CCDC39: variants seen among roughly 807,000 people sequenced by gnomAD.
CCDC39 encodes the protein coiled-coil domain-containing protein 39.
A neutral mutation model predicts 121.0 loss-of-function variants in CCDC39; 113 were observed. The ratio of observed to expected loss-of-function variants is 0.93; its 90% confidence interval spans 0.80 to 1.09. The LOEUF (loss-of-function observed/expected upper bound fraction) is 1.09, where lower values mean the gene tolerates loss of function less well. Ranked by LOEUF, CCDC39 falls within the 50% of genes least tolerant of loss-of-function variation. The pLI, the probability that CCDC39 is intolerant of heterozygous loss-of-function variation, is 0.00. For missense variants in CCDC39, 1,063 were observed against 1,074.7 expected (o/e 0.99, Z 0.15); for synonymous variants, 349 against 352.2 (o/e 0.99, Z 0.10).
chr3:180,614,357 C>G lies in CCDC39; in HGVS notation c.*564G>C, dbSNP rs1456179716. On this transcript the variant is annotated 3_prime_UTR_variant, in exon 20 of 20. Coordinates refer to ENST00000476379, the MANE Select transcript of CCDC39 (RefSeq NM_181426.2). ...ATTTTAAAATTGATATACAGTGTTT[C>G]TCTTACCGGTTTTTTTTTGGGGGGG... 4 of 90,340 alleles carry G rather than the reference C, an allele frequency of 4.4e-5. No homozygotes were observed. The highest frequency in any genetic ancestry group is 1.9e-4 in the Admixed American group (1 of 5,386). The allele number at this position is 90,340 out of a possible 1,614,324, so 5.6% of individuals were successfully genotyped here.
In CCDC39 at chr3:180,651,474, TCA is replaced by T. The variant is rs1718207127; in HGVS notation, c.1092_1093del (p.Lys366AsnfsTer10). 6.5e-7 allele frequency: 1 copy of T among 1,548,422 alleles called. No individual in the cohort carries two copies. Among genetic ancestry groups the T allele is most frequent in the Non-Finnish European group, 8.7e-7 (1 of 1,144,122 alleles). On this transcript the variant is annotated frameshift_variant, in exon 9 of 20. Transcript: ENST00000476379. LOFTEE classifies it high-confidence loss of function. Reference sequence around the variant, plus strand: ...TTTCTCTTCTACAGACATGGTTTTCTCAGTTATCTCCTTTAATTTTGTTTGTA... The same window carrying T: ...TTTCTCTTCTACAGACATGGTTTTCTGTTATCTCCTTTAATTTTGTTTGTA...
rs185557620 is a variant in CCDC39 at position 180,676,954 on chromosome 3, C to T, written c.90+2337G>A. 6.0e-3 allele frequency among the ~76,000 whole-genome samples: 903 copies of T among 150,878 alleles called. 6 individuals carry two copies. Among genetic ancestry groups the T allele is most frequent in the African/African-American group, 0.021 (866 of 41,042 alleles). On this transcript the variant is annotated intron_variant, in intron 1 of 19. Coordinates refer to ENST00000476379, the MANE Select transcript of CCDC39 (RefSeq NM_181426.2). ...AGGTGGGAATTGAACAATGCGAACACTTGGATACAGGAAGGGGAACATCAC... is the reference window on the plus strand; with the variant it reads ...AGGTGGGAATTGAACAATGCGAACATTTGGATACAGGAAGGGGAACATCAC...
chr3:180,679,201 G>T lies in CCDC39; in HGVS notation c.90+90C>A. ...GGAAGCACAGGATTAGGAAAGGAGA[G>T]AAATAAAAGGGCTGGGGTAGTACTG... is the stretch of plus-strand genomic sequence containing the variant. On this transcript the variant is annotated intron_variant, in intron 1 of 19. Transcript: ENST00000476379. This position sits in a 1 kb window ranked among gnomAD's most constrained non-coding sequence, Gnocchi z 4.0. The T allele has an allele frequency of 1.1e-6, 1 of 943,026 alleles. No individual in the cohort carries two copies. The highest frequency in any genetic ancestry group is 1.8e-6 in the Non-Finnish European group (1 of 568,092). 58.4% of individuals were successfully genotyped at this position (943,026 alleles called of 1,614,324 possible). A position where few individuals can be genotyped will look rare whatever the true frequency, so the allele number is the denominator to read the frequency against.
At chr3:180,660,799 A>T (rs536191687) in intron 3 of CCDC39, 71 bp from the exon 4 acceptor site, 1 of 1,340,310 alleles carries the variant, frequency 7.5e-7, no homozygotes, top group East Asian at 2.5e-5. Flanking sequence ...AAAATAAAAC[A>T]TACCTTTATA....
At chr3:180,620,293 G>A (rs180849824) in intron 14 of CCDC39, among the ~76,000 whole-genome samples, 4 of 151,862 alleles carry the variant, frequency 2.6e-5, no homozygotes, top group Middle Eastern at 3.4e-3. Flanking sequence ...AGAAAGGGAG[G>A]GAGGTTTGAT....
At chr3:180,624,048 C>G (rs1717495409) in intron 14 of CCDC39, among the ~76,000 whole-genome samples, 1 of 151,988 alleles carries the variant, frequency 6.6e-6, no homozygotes, top group East Asian at 1.9e-4. Context: ...CCATTATTGT[C>G]TTGCTCTTTC....
chr3:180,614,704 A>G lies in CCDC39; in HGVS notation c.*217T>C, dbSNP rs186005312. 174 of 441,060 alleles carry G rather than the reference A, an allele frequency of 3.9e-4. 3 individuals are homozygous for G. In the Admixed American group the frequency reaches 7.2e-3, roughly 18 times the overall value. 27.3% of individuals were successfully genotyped at this position (441,060 alleles called of 1,614,324 possible). ...TACAGCATTTTTCCTATGCTTGTATAACATGTAGCCTTGTCAAGAATCTGC... is the reference window on the plus strand; with the variant it reads ...TACAGCATTTTTCCTATGCTTGTATGACATGTAGCCTTGTCAAGAATCTGC... On this transcript the variant is annotated 3_prime_UTR_variant, in exon 20 of 20. Transcript: ENST00000476379.
Position 180,617,508 on chromosome 3 carries a change from C to G in CCDC39, c.2266-542G>C, listed in dbSNP as rs778971546. ...TCATGTTACTGACCCTGAAGACCTT[C>G]AAGTGGGACAAGATATGGAGGTGGA... On this transcript the variant is annotated intron_variant, in intron 16 of 19. Coordinates refer to ENST00000476379, the MANE Select transcript of CCDC39 (RefSeq NM_181426.2). The G allele has an allele frequency of 5.0e-4, 335 of 666,250 alleles. 1 individual carries two copies. The highest frequency in any genetic ancestry group is 6.6e-4 in the Non-Finnish European group (240 of 365,200). 41.3% of individuals were successfully genotyped at this position (666,250 alleles called of 1,614,324 possible).
chr3:180,631,412 G>T, intron 14 of CCDC39, 57 bp downstream of exon 14: 1 of 1,438,104 alleles, frequency 7.0e-7, no homozygotes, highest in African/African-American at 1.4e-5. Flanking sequence ...GGATTATGAT[G>T]AATGAGTTAA....
At chr3:180,651,643 G>T in intron 8 of CCDC39, 110 bp from the exon 9 acceptor site, 1 of 1,029,710 alleles carries the variant, frequency 9.7e-7, no homozygotes, top group Non-Finnish European at 1.3e-6. Context: ...GGGGTTTTTT[G>T]CGTAAACCTT....
chr3:180,630,501 C>T (rs1576936684), intron 14 of CCDC39, among the ~76,000 whole-genome samples: 1 of 152,110 alleles, frequency 6.6e-6, no homozygotes, highest in Non-Finnish European at 1.5e-5. Flanking sequence ...AGAGCATCCA[C>T]AAGAGCCATT....
chr3:180,668,627 C>T (rs1711952400), intron 1 of CCDC39, among the ~76,000 whole-genome samples: 1 of 152,102 alleles, frequency 6.6e-6, no homozygotes, highest in Non-Finnish European at 1.5e-5. Flanking sequence ...CTTCAAACAA[C>T]TTACCACAAT....
intron 1 of CCDC39, among the ~76,000 whole-genome samples, chr3:180,675,818 T>C (rs10937043): frequency 0.29 from 43,644 of 151,464 alleles, 7,674 homozygotes; most frequent in African/African-American, 0.49. Context: ...TGGAACAGAA[T>C]AGAGCCCTCA....
chr3:180,651,723 T>G (rs1027161248), intron 8 of CCDC39, among the ~76,000 whole-genome samples, 190 bp from the exon 9 acceptor site: 1 of 152,146 alleles, frequency 6.6e-6, no homozygotes, highest in East Asian at 1.9e-4. Context: ...AAAATATGAG[T>G]AAAATTTTTT....
At chr3:180,663,834 C>T (rs368555831) in intron 2 of CCDC39, 33 bp downstream of exon 2, 63 of 1,602,482 alleles carry the variant, frequency 3.9e-5, no homozygotes, top group African/African-American at 8.0e-5. Context: ...CATGACTACA[C>T]GATATAATCA....
At chr3:180,654,624 T>TAA (rs75857130) in intron 7 of CCDC39, 138 bp downstream of exon 7, 293 of 316,158 alleles carry the variant, frequency 9.3e-4, no homozygotes, top group South Asian at 1.1e-3. Context: ...AAAGAGACAT[T>TAA]AAAAAAAAAA....
intron 14 of CCDC39, among the ~76,000 whole-genome samples, chr3:180,623,602 T>C (rs1283178998): frequency 6.6e-6 from 1 of 151,986 alleles, no homozygotes; most frequent in Admixed American, 6.6e-5. Context: ...GCTATAAACA[T>C]CCCCCTTAGC....
At chr3:180,632,651 A>C (rs1717728130) in intron 13 of CCDC39, among the ~76,000 whole-genome samples, 1 of 152,192 alleles carries the variant, frequency 6.6e-6, no homozygotes, top group African/African-American at 2.4e-5. Flanking sequence ...AAACAGCAAC[A>C]TAGCAGTTCT....
At chr3:180,662,407 T>A (rs1382127499) in intron 2 of CCDC39, among the ~76,000 whole-genome samples, 1 of 152,174 alleles carries the variant, frequency 6.6e-6, no homozygotes, top group South Asian at 2.1e-4. Flanking sequence ...ACATTATTTT[T>A]AAATAATTAT....
Sources: gnomAD v4.1 joint callset for allele counts (sites outside exome capture counted in the v4.1 genomes callset) on GRCh38, gnomAD v4.1.1 for gene constraint, Gnocchi (gnomAD v3.1) non-coding constraint, MANE v1.5 for transcripts, NCBI Gene and HGNC (gene_info 2026-07-23, HGNC 2026-07-21) for gene names.